TMEM171: variants seen among roughly 807,000 people sequenced by gnomAD.
TMEM171 encodes the protein proline-rich protein PRP2.
Under a neutral mutation model 19.1 loss-of-function variants are expected in TMEM171, and 16 were observed. The observed-to-expected ratio is 0.84, with a 90% CI of 0.57 to 1.27. TMEM171 has a LOEUF of 1.27. Among genes scored for constraint, TMEM171 ranks in the 50% most tolerant of loss-of-function variants. The pLI is 0.00. For missense variants in TMEM171, 429 were observed against 412.7 expected (o/e 1.04, Z -0.34); for synonymous variants, 153 against 163.4 (o/e 0.94, Z 0.48).
At position 73,123,877 on chromosome 5, in the gene TMEM171, C is replaced by G; in HGVS notation, c.504C>G (p.Pro168=). 1 of 1,614,012 alleles carries G rather than the reference C, an allele frequency of 6.2e-7. No homozygotes were observed. Among genetic ancestry groups the G allele is most frequent in the African/African-American group, 1.3e-5 (1 of 75,010 alleles). ...TCCTTTCTCTGCAGATCATGGGGCC[C>G]TTGATTGTGCTTGTGGGATTGTGTT... ...CGFLSLQIMG[P]LIVLVGLCFF... Residue 168 remains proline, a synonymous_variant, in exon 2 of 4, where the codon CCC becomes CCG. Transcript: ENST00000454765.
In TMEM171 at chr5:73,121,452, A is replaced by G. The variant is rs140880142; in HGVS notation, c.-69+756A>G. ...AGGTTTCAGGACTCTCCATCGTTTC[A>G]TTCCACTGAGAGTTTTGGAATGTAC... On this transcript the variant is annotated intron_variant, in intron 1 of 3. Coordinates refer to ENST00000454765, the MANE Select transcript of TMEM171 (RefSeq NM_173490.8). Among the ~76,000 whole-genome samples, 7 of 152,342 alleles carry G rather than the reference A, an allele frequency of 4.6e-5. No homozygotes were observed. The East Asian group carries it at 1.3e-3, about 29-fold the overall frequency.
chr5:73,129,381 T>G (rs1744272129), intron 3 of TMEM171, among the ~76,000 whole-genome samples: 1 of 152,198 alleles, frequency 6.6e-6, no homozygotes. Context: ...AATGTCTGAT[T>G]GGTTGCAAAA....
rs780086633 is a variant in TMEM171, at chr5:73,124,028, T to C, written c.640+15T>C. 9 of 1,516,108 alleles carry C rather than the reference T, an allele frequency of 5.9e-6. No individual in the cohort carries two copies. The South Asian group carries it at 9.4e-5, about 16-fold the overall frequency. 93.9% of individuals were successfully genotyped at this position (1,516,108 alleles called of 1,614,324 possible). ...GGTCACTGTAGGTGGGTTGCTGTTATTTGCGTTCTTGCTTCTATCACAGTG... is the reference window on the plus strand; with the variant it reads ...GGTCACTGTAGGTGGGTTGCTGTTACTTGCGTTCTTGCTTCTATCACAGTG... On this transcript the variant is annotated intron_variant, in intron 2 of 3. Transcript: ENST00000454765.
chr5:73,128,269 G>A (rs1231330101), intron 2 of TMEM171, 121 bp from the exon 3 acceptor site: 4 of 1,183,458 alleles, frequency 3.4e-6, no homozygotes, highest in Non-Finnish European at 4.8e-6. Context: ...AAATTTTGGA[G>A]TTAGCAGCAG....
At chr5:73,121,665 CT>C (rs1414745963) in intron 1 of TMEM171, among the ~76,000 whole-genome samples, 1 of 152,062 alleles carries the variant, frequency 6.6e-6, no homozygotes, top group South Asian at 2.1e-4. Flanking sequence ...CCTATATTTC[CT>C]TTTTTTCTCC....
intron 2 of TMEM171, among the ~76,000 whole-genome samples, chr5:73,124,847 G>T (rs1744120037): frequency 6.6e-6 from 1 of 152,192 alleles, no homozygotes; most frequent in Admixed American, 6.5e-5. Flanking sequence ...CACAACCAAG[G>T]AAAAACCCCA....
At chr5:73,124,609 A>G (rs931976595) in intron 2 of TMEM171, among the ~76,000 whole-genome samples, 1 of 152,140 alleles carries the variant, frequency 6.6e-6, no homozygotes, top group Non-Finnish European at 1.5e-5. Flanking sequence ...GGGCCTCTGC[A>G]CTGTCTCTGT....
chr5:73,125,211 C>A (rs986777672), intron 2 of TMEM171, among the ~76,000 whole-genome samples: 5 of 152,138 alleles, frequency 3.3e-5, no homozygotes, highest in Non-Finnish European at 4.4e-5. Context: ...TTTATGGTGA[C>A]AACACAAATA....
At chr5:73,129,623 ACT>A (rs780060635) in intron 3 of TMEM171, among the ~76,000 whole-genome samples, 2 of 151,896 alleles carry the variant, frequency 1.3e-5, no homozygotes, top group Non-Finnish European at 2.9e-5. Flanking sequence ...ACAGAGAGAG[ACT>A]CTATCTCAGG....
intron 3 of TMEM171, among the ~76,000 whole-genome samples, chr5:73,130,165 G>A (rs939593801): frequency 1.4e-4 from 22 of 152,060 alleles, no homozygotes; most frequent in African/African-American, 5.3e-4. Flanking sequence ...AGACTGGGAA[G>A]GGCTGGGTTT....
chr5:73,127,378 A>ATATATATATATATATATAT (rs1216141842), intron 2 of TMEM171, among the ~76,000 whole-genome samples: 3 of 63,234 alleles, frequency 4.7e-5, no homozygotes, highest in South Asian at 5.7e-4. Context: ...GTAAAAAAAA[A>ATATATATATATATATATAT]AAAAAAATAT....
chr5:73,128,458 G>T lies in TMEM171; in HGVS notation c.709G>T (p.Ala237Ser). ...YFPESSASAV[A>S]ESPGTNSLLP... ...TCCTGAATCTTCAGCTTCTGCGGTC[G>T]CTGAGAGTCCTGGAACTAACAGTCT... is the stretch of plus-strand genomic sequence containing the variant. Residue 237 changes from alanine (A) to serine (S), a missense_variant, in exon 3 of 4, where the codon GCT (alanine) becomes TCT (serine). Ala to Ser is a moderately conservative substitution (Grantham distance 99, BLOSUM62 1). Coordinates refer to ENST00000454765, the MANE Select transcript of TMEM171 (RefSeq NM_173490.8). 3.1e-6 allele frequency: 5 copies of T among 1,613,950 alleles called. No individual in the cohort carries two copies. The highest frequency in any genetic ancestry group is 4.2e-6 in the Non-Finnish European group (5 of 1,180,006).
At position 73,123,510 on chromosome 5, in the gene TMEM171, C is replaced by A; in HGVS notation, c.137C>A (p.Ala46Glu). The A allele has an allele frequency of 2.5e-6, 4 of 1,614,204 alleles. No individual in the cohort carries two copies. The highest frequency in any genetic ancestry group is 3.4e-6 in the Non-Finnish European group (4 of 1,180,044). ...GVLLSIFGFQACQYKPLPDCP... is the reference protein window; with the variant it reads ...GVLLSIFGFQECQYKPLPDCP... The stretch of plus-strand genomic sequence containing the variant: ...CTGCTCTCCATCTTTGGGTTCCAGG[C>A]ATGCCAATATAAGCCCCTCCCAGAC... Residue 46 changes from alanine to glutamate, a missense_variant, in exon 2 of 4, where the codon GCA (alanine) becomes GAA (glutamate). By Grantham distance (107) the Ala-to-Glu change is moderately radical. Coordinates refer to ENST00000454765, the MANE Select transcript of TMEM171 (RefSeq NM_173490.8).
chr5:73,124,109 C>T, intron 2 of TMEM171, 96 bp downstream of exon 2: 1 of 1,067,042 alleles, frequency 9.4e-7, no homozygotes, highest in Non-Finnish European at 1.3e-6. Flanking sequence ...TTCTCTTTCT[C>T]AATTCTTCCA....
rs537586736 is a variant in TMEM171, at chr5:73,127,965, C to T, written c.641-425C>T. Among the ~76,000 whole-genome samples, 10 of 151,832 alleles carry T rather than the reference C, an allele frequency of 6.6e-5. No individual in the cohort carries two copies. In the East Asian group the frequency reaches 1.9e-3, roughly 29 times the overall value. ...GCGCTGTGTTGCCCAGGCTGGTCTCCAACTCCTGGGCTCAAGCGATCCTTC... is the reference window on the plus strand; with the variant it reads ...GCGCTGTGTTGCCCAGGCTGGTCTCTAACTCCTGGGCTCAAGCGATCCTTC... On this transcript the variant is annotated intron_variant, in intron 2 of 3. Coordinates refer to ENST00000454765, the MANE Select transcript of TMEM171 (RefSeq NM_173490.8).
chr5:73,131,580 T>A lies in TMEM171; in HGVS notation c.825T>A (p.Cys275Ter), dbSNP rs561404537. Residue 275 changes from cysteine (C) to a stop codon, truncating the protein, a stop_gained, in exon 4 of 4, where the codon TGT becomes TGA. Transcript: ENST00000454765. LOFTEE classifies it low-confidence loss of function (END_TRUNC). ...AGGGTGCAGCCTCTGAAAGAGACTG[T>A]GAATCTATATATACCATTTCTGGGA... ...TSEGAASERDCESIYTISGTN... is the reference protein window; with the variant it reads ...TSEGAASERD 3 of 1,612,200 alleles carry A rather than the reference T, an allele frequency of 1.9e-6. No individual in the cohort carries two copies. The highest frequency in any genetic ancestry group is 4.5e-5 in the East Asian group (2 of 44,792).
At position 73,128,503 on chromosome 5, in the gene TMEM171, C is replaced by G; in HGVS notation, c.754C>G (p.Pro252Ala). The G allele has an allele frequency of 6.2e-7, 1 of 1,614,068 alleles. No homozygotes were observed. Among genetic ancestry groups the G allele is most frequent in the Non-Finnish European group, 8.5e-7 (1 of 1,180,038 alleles). ...CAGTCTGCTTCCGAATGAAAACCCC[C>G]CTTCATATTACAGTATTTTCAACTA... ...TNSLLPNENP[P>A]SYYSIFNYGR... Residue 252 changes from proline (P) to alanine (A), a missense_variant, in exon 3 of 4, where the codon CCT (proline) becomes GCT (alanine). Pro to Ala is a conservative substitution (Grantham distance 27). Coordinates refer to ENST00000454765, the MANE Select transcript of TMEM171 (RefSeq NM_173490.8).
intron 2 of TMEM171, among the ~76,000 whole-genome samples, chr5:73,124,754 C>A (rs984536336): frequency 1.2e-4 from 18 of 152,276 alleles, no homozygotes; most frequent in African/African-American, 4.3e-4. Context: ...TTTGGGTCCC[C>A]CGGGTTCTAC....
Position 73,122,305 on chromosome 5 carries a change from G to T in TMEM171, c.-68-1001G>T, listed in dbSNP as rs367850572. On this transcript the variant is annotated intron_variant, in intron 1 of 3. Coordinates refer to ENST00000454765, the MANE Select transcript of TMEM171 (RefSeq NM_173490.8). ...TGGGTACCTGTCCACTCTGAAAATT[G>T]AGCTCCTGTTGACCTGCTGTGCAAC... Among the ~76,000 whole-genome samples the T allele has an allele frequency of 2.0e-5, 3 of 152,282 alleles. No individual in the cohort carries two copies. In the East Asian group the frequency reaches 5.8e-4, roughly 29 times the overall value.
Sources: gnomAD v4.1 joint callset for allele counts (sites outside exome capture counted in the v4.1 genomes callset) on GRCh38, gnomAD v4.1.1 for gene constraint, MANE v1.5 for transcripts, NCBI Gene and HGNC (gene_info 2026-07-23, HGNC 2026-07-21) for gene names.